Variants in VPS37D observed in about 807,000 individuals in gnomAD.
VPS37D encodes vacuolar protein sorting-associated protein 37D.
A neutral mutation model predicts 22.0 loss-of-function variants in VPS37D; 5 were observed. The ratio of observed to expected loss-of-function variants is 0.23; its 90% CI spans 0.12 to 0.48. VPS37D has a LOEUF of 0.48. VPS37D is among the 20% of genes least tolerant of loss of function. VPS37D has a pLI of 0.99. For missense variants in VPS37D, 384 were observed against 345.8 expected (o/e 1.11, Z -0.88); for synonymous variants, 174 against 159.3 (o/e 1.09, Z -0.69).
chr7:73,671,264 C>T lies in VPS37D; in HGVS notation c.644C>T (p.Pro215Leu), dbSNP rs1554609730. The T allele has an allele frequency of 1.3e-6, 2 of 1,486,220 alleles. No homozygotes were observed. Among genetic ancestry groups the T allele is most frequent in the East Asian group, 2.5e-5 (1 of 39,810 alleles). The allele number at this position is 1,486,220 out of a possible 1,614,324, so 92.1% of individuals were successfully genotyped here. ...CCACCAGCAGTGCCCCGGAGCCTGC[C>T]CCCCTTGGACTCCCGCCCAGTGCCC... ...RGPPAVPRSL[P>L]PLDSRPVPPL... Residue 215 changes from proline to leucine, a missense_variant, in exon 4 of 4, where the codon CCC (proline) becomes CTC (leucine). By Grantham distance (98) the Pro-to-Leu change is moderately conservative. Transcript: ENST00000324941.
chr7:73,670,868 G>C lies in VPS37D; in HGVS notation c.394-146G>C. ...ACAGTTCACTTAGCAAGTAATCGGA[G>C]GCAGGCCCAGGCTGGAACGCAGGTC... On this transcript the variant is annotated intron_variant, in intron 3 of 3. Transcript: ENST00000324941. 5.1e-6 allele frequency: 6 copies of C among 1,180,562 alleles called. No individual in the cohort carries two copies. The South Asian group carries it at 9.6e-5, about 19-fold the overall frequency. The allele number at this position is 1,180,562 out of a possible 1,614,324, so 73.1% of individuals were successfully genotyped here. A position where few individuals can be genotyped will look rare whatever the true frequency, so the allele number is the denominator to read the frequency against.
rs1189884626 is a variant in VPS37D, at chr7:73,671,161, C to G, written c.541C>G (p.Pro181Ala). The change falls in exon 4 of 4, where the codon CCG becomes GCG. Residue 181 changes from proline (P) to alanine (A), a missense_variant. Physicochemically the swap from Pro to Ala is conservative, Grantham distance 27 (BLOSUM62 -1). Transcript: ENST00000324941. The part of the protein sequence containing the change: ...LLRRRERSAQ[P>A]APTSAADPPK... Reference sequence around the variant, plus strand: ...GCGGCGTCGGGAGCGTTCTGCCCAGCCGGCCCCCACCTCGGCTGCTGATCC... The same window carrying G: ...GCGGCGTCGGGAGCGTTCTGCCCAGGCGGCCCCCACCTCGGCTGCTGATCC... 6.2e-7 allele frequency: 1 copy of G among 1,605,114 alleles called. No homozygotes were observed. The highest frequency in any genetic ancestry group is 1.3e-5 in the African/African-American group (1 of 74,852).
chr7:73,669,404 C>T lies in VPS37D; in HGVS notation c.139-15C>T, dbSNP rs1554609231. 3 of 1,537,938 alleles carry T rather than the reference C, an allele frequency of 2.0e-6. No homozygotes were observed. Among genetic ancestry groups the T allele is most frequent in the Admixed American group, 2.0e-5 (1 of 50,896 alleles). ...GATCCCCTGAGCGGGCCTCTTAGCTCCTCTCTGCCCGCAGTTCCAGGGCCT... is the reference window on the plus strand; with the variant it reads ...GATCCCCTGAGCGGGCCTCTTAGCTTCTCTCTGCCCGCAGTTCCAGGGCCT... On this transcript the variant is annotated splice_polypyrimidine_tract_variant and intron_variant, in intron 1 of 3. Transcript: ENST00000324941.
chr7:73,668,189 G>A (rs1312648935), intron 1 of VPS37D, 93 bp downstream of exon 1: 3 of 812,642 alleles, frequency 3.7e-6, no homozygotes, highest in East Asian at 8.8e-5. Flanking sequence ...GCCGGGCCGC[G>A]GGGCCGCCCG....
chr7:73,668,828 G>A (rs1365164202), intron 1 of VPS37D, among the ~76,000 whole-genome samples: 3 of 152,032 alleles, frequency 2.0e-5, no homozygotes, highest in African/African-American at 7.2e-5. Context: ...AGGAAAAGGG[G>A]GTGTGTATTC....
intron 2 of VPS37D, 118 bp downstream of exon 2, chr7:73,669,708 C>T: frequency 1.0e-6 from 1 of 981,564 alleles, no homozygotes; most frequent in African/African-American, 2.0e-5. Flanking sequence ...CTGCTCCTGG[C>T]TTGCTGGGCA....
In VPS37D at chr7:73,671,808, C is replaced by G. The variant is rs1202206516; in HGVS notation, c.*432C>G. The G allele has an allele frequency of 6.6e-6, 1 of 152,220 alleles. No individual in the cohort carries two copies. Among genetic ancestry groups the G allele is most frequent in the Non-Finnish European group, 1.5e-5 (1 of 68,082 alleles). 9.4% of individuals were successfully genotyped at this position (152,220 alleles called of 1,614,324 possible). A position where few individuals can be genotyped will look rare whatever the true frequency, so the allele number is the denominator to read the frequency against. On this transcript the variant is annotated 3_prime_UTR_variant, in exon 4 of 4. Transcript: ENST00000324941. Reference sequence around the variant, plus strand: ...TACATCATGTCCTGAGCCTACCTTTCCCCCAAATTCTGGGGCCCACAGCCT... The same window carrying G: ...TACATCATGTCCTGAGCCTACCTTTGCCCCAAATTCTGGGGCCCACAGCCT...
chr7:73,668,241 C>A, intron 1 of VPS37D, 145 bp downstream of exon 1: 1 of 384,878 alleles, frequency 2.6e-6, no homozygotes, highest in Non-Finnish European at 3.7e-6. Context: ...CCCGCGGAGC[C>A]ACCCCCGGGG....
chr7:73,668,039 C>G lies in VPS37D; in HGVS notation c.81C>G (p.Leu27=), dbSNP rs1554608994. The G allele has an allele frequency of 8.6e-7, 1 of 1,166,940 alleles. No individual in the cohort carries two copies. Among genetic ancestry groups the G allele is most frequent in the Non-Finnish European group, 1.1e-6 (1 of 935,172 alleles). 72.3% of individuals were successfully genotyped at this position (1,166,940 alleles called of 1,614,324 possible). The change falls in exon 1 of 4, where the codon CTC becomes CTG. Residue 27 remains leucine, a synonymous_variant. Transcript: ENST00000324941. ...GRFGILSTGQ[L]RDLLQDEPKL... ...TTGGGATCCTCAGCACCGGGCAGCTCCGGGACCTGCTTCAGGATGAGCCCA... is the reference window on the plus strand; with the variant it reads ...TTGGGATCCTCAGCACCGGGCAGCTGCGGGACCTGCTTCAGGATGAGCCCA...
At chr7:73,670,960 G>A in intron 3 of VPS37D, 54 bp from the exon 4 acceptor site, 1 of 1,585,536 alleles carries the variant, frequency 6.3e-7, no homozygotes, top group African/African-American at 1.3e-5. Context: ...GTGAGGACCA[G>A]TCCCCAGTCT....
At chr7:73,668,360 G>A (rs868980140) in intron 1 of VPS37D, among the ~76,000 whole-genome samples, 1 of 152,000 alleles carries the variant, frequency 6.6e-6, no homozygotes, top group Non-Finnish European at 1.5e-5. Flanking sequence ...CGGATGCTCC[G>A]GGGAGGTGTG....
upstream of VPS37D, among the ~76,000 whole-genome samples, chr7:73,666,961 GTTC>G (rs1554608754): frequency 1.4e-5 from 2 of 143,346 alleles, no homozygotes. Context: ...TTTAAAAATT[GTTC>G]TTTTCACTCT....
Position 73,669,428 on chromosome 7 carries a change from C to G in VPS37D, c.148C>G (p.Leu50Val). The change falls in exon 2 of 4, where the codon CTG becomes GTG. Residue 50 changes from leucine to valine, a missense_variant. Transcript: ENST00000324941. ...IVRLSRKFQG[L>V]QLEREACLAS... ...TCCTCTCTGCCCGCAGTTCCAGGGC[C>G]TGCAGCTGGAGCGTGAGGCCTGCCT... 1 of 1,560,662 alleles carries G rather than the reference C, an allele frequency of 6.4e-7. No individual in the cohort carries two copies. The highest frequency in any genetic ancestry group is 8.7e-7 in the Non-Finnish European group (1 of 1,152,688).
At chr7:73,669,158 C>T (rs1554609184) in intron 1 of VPS37D, among the ~76,000 whole-genome samples, 3 of 148,438 alleles carry the variant, frequency 2.0e-5, no homozygotes, top group East Asian at 1.9e-4. Flanking sequence ...TTAAGTCTCT[C>T]AACAACCCCA....
intron 2 of VPS37D, 66 bp from the exon 3 acceptor site, chr7:73,669,954 G>A (rs1797469063): frequency 6.5e-7 from 1 of 1,549,948 alleles, no homozygotes; most frequent in Non-Finnish European, 8.7e-7. Flanking sequence ...ATCACATGGG[G>A]TCAGCGGGAG....
Position 73,669,493 on chromosome 7 carries a change from G to T in VPS37D, c.213G>T (p.Leu71=). ...NYALAKENLA[L]RPRLEMGRAA... Reference sequence around the variant, plus strand: ...CGCTGGCCAAGGAGAACCTGGCCCTGCGGCCCCGCCTGGAGATGGGCCGGG... The same window carrying T: ...CGCTGGCCAAGGAGAACCTGGCCCTTCGGCCCCGCCTGGAGATGGGCCGGG... The change falls in exon 2 of 4, where the codon CTG becomes CTT. Residue 71 remains leucine, a synonymous_variant. Transcript: ENST00000324941. 2 of 1,581,060 alleles carry T rather than the reference G, an allele frequency of 1.3e-6. No individual in the cohort carries two copies. The highest frequency in any genetic ancestry group is 1.7e-6 in the Non-Finnish European group (2 of 1,163,946).
intron 3 of VPS37D, 130 bp downstream of exon 3, chr7:73,670,232 G>A (rs1212835654): frequency 1.4e-6 from 2 of 1,440,960 alleles, no homozygotes; most frequent in Non-Finnish European, 1.9e-6. Context: ...CCTGGCGCAT[G>A]CCAGAGCCTA....
At position 73,669,768 on chromosome 7, in the gene VPS37D, G is replaced by C. The variant is rs532967608; in HGVS notation, c.310+178G>C. Reference sequence around the variant, plus strand: ...GTGGGGAGGGTTGGGTGGGAGAAAGGGGACCCAATACGCAGGGTCCCCCTG... The same window carrying C: ...GTGGGGAGGGTTGGGTGGGAGAAAGCGGACCCAATACGCAGGGTCCCCCTG... On this transcript the variant is annotated intron_variant, in intron 2 of 3. Transcript: ENST00000324941. 4.6e-5 allele frequency among the ~76,000 whole-genome samples: 7 copies of C among 152,244 alleles called. No homozygotes were observed. In the East Asian group the frequency reaches 1.2e-3, roughly 25 times the overall value.
rs782065674 is a variant in VPS37D, at chr7:73,669,587, C to T, written c.307C>T (p.Leu103=). ...GAACTGCGCGGACAAGCTGCAGCGACTGGGTGAGGGCACGTCTGGGAGAAC... is the reference window on the plus strand; with the variant it reads ...GAACTGCGCGGACAAGCTGCAGCGATTGGGTGAGGGCACGTCTGGGAGAAC... The part of the protein sequence containing the change: ...AENCADKLQR[L]EESMHRWSPH... Residue 103 remains leucine, a synonymous_variant, in exon 2 of 4, where the codon CTG becomes TTG. Coordinates refer to ENST00000324941, the MANE Select transcript of VPS37D (RefSeq NM_001077621.2). 4.2e-5 allele frequency: 66 copies of T among 1,588,642 alleles called. No homozygotes were observed. In the South Asian group the frequency reaches 6.9e-4, roughly 17 times the overall value.
Sources: gnomAD v4.1 joint callset for allele counts (sites outside exome capture counted in the v4.1 genomes callset) on GRCh38, gnomAD v4.1.1 for gene constraint, MANE v1.5 for transcripts, NCBI Gene and HGNC (gene_info 2026-07-23, HGNC 2026-07-21) for gene names.